The following AUTS2 variants were observed in gnomAD, a reference collection of about 807,000 sequenced individuals.
AUTS2 encodes autism susceptibility gene 2 protein.
AUTS2 carries 17 observed loss-of-function variants against 112.4 expected under a neutral mutation model. That is an observed-to-expected ratio of 0.15 (90% CI 0.10 to 0.23). AUTS2 has a LOEUF of 0.23. Ranked by LOEUF, AUTS2 falls within the 10% of genes least tolerant of loss-of-function variation. AUTS2 has a pLI of 1.00. For synonymous variants in AUTS2, 751 were observed against 702.7 expected, an observed-to-expected ratio of 1.07 and a Z score of -1.09; for missense variants, 1,510 against 1,701.6, an observed-to-expected ratio of 0.89 and a Z score of 1.98.
At chr7:70,188,647 C>T (rs1157965350) in intron 4 of AUTS2, among the ~76,000 whole-genome samples, 1 of 152,144 alleles carries the variant, frequency 6.6e-6, no homozygotes, top group Non-Finnish European at 1.5e-5. Context: ...TCCTTTCTAG[C>T]TTTCTTGAGA....
At chr7:70,407,851 G>A (rs1312600751) in intron 4 of AUTS2, among the ~76,000 whole-genome samples, 1 of 152,002 alleles carries the variant, frequency 6.6e-6, no homozygotes, top group African/African-American at 2.4e-5. Flanking sequence ...TCAGGAGATC[G>A]AGACCATCCT....
chr7:69,706,466 G>C (rs1798064910), intron 1 of AUTS2, among the ~76,000 whole-genome samples: 1 of 152,110 alleles, frequency 6.6e-6, no homozygotes, highest in Non-Finnish European at 1.5e-5. Flanking sequence ...GAGACTTGCT[G>C]AGCACACCTA....
chr7:70,648,748 A>AT (rs1284365011), intron 5 of AUTS2, among the ~76,000 whole-genome samples: 4 of 151,308 alleles, frequency 2.6e-5, no homozygotes, highest in Admixed American at 6.6e-5. Context: ...CGCTCAGCTA[A>AT]TTTTTTTTTA....
intron 1 of AUTS2, among the ~76,000 whole-genome samples, chr7:69,792,177 T>C (rs1397800739): frequency 6.6e-6 from 1 of 152,130 alleles, no homozygotes; most frequent in Admixed American, 6.6e-5. Flanking sequence ...AAAGGAATCA[T>C]TATTATTGTC....
intron 4 of AUTS2, among the ~76,000 whole-genome samples, chr7:70,332,564 A>G (rs563604084): frequency 2.0e-5 from 3 of 152,304 alleles, no homozygotes; most frequent in African/African-American, 7.2e-5. Flanking sequence ...TTCAAACTAT[A>G]CTACAAGGCT....
At chr7:70,308,788 T>C (rs1789603834) in intron 4 of AUTS2, among the ~76,000 whole-genome samples, 1 of 151,636 alleles carries the variant, frequency 6.6e-6, no homozygotes, top group Non-Finnish European at 1.5e-5. Flanking sequence ...CACATATTAA[T>C]TTTTTTTTGT....
rs374942971 is a variant in AUTS2 at position 70,096,599 on chromosome 7, TA to T, written c.523-21516del. Among the ~76,000 whole-genome samples the T allele has an allele frequency of 6.4e-3, 540 of 84,680 alleles. 1 individual carries two copies. Among genetic ancestry groups the T allele is most frequent in the African/African-American group, 0.014 (306 of 22,518 alleles). The allele number at this position is 84,680 out of a possible 152,430, so 55.6% of individuals were successfully genotyped here. On this transcript the variant is annotated intron_variant, in intron 2 of 18. Transcript: ENST00000342771. ...GGGCAACAAGAGTGAAACTCCATCTTAAAAAAAAAAAAAAAAAGAAAAAAAA... is the reference window on the plus strand; with the variant it reads ...GGGCAACAAGAGTGAAACTCCATCTTAAAAAAAAAAAAAAAAGAAAAAAAA...
chr7:69,924,078 GT>G (rs1038425080), intron 2 of AUTS2, among the ~76,000 whole-genome samples: 2 of 152,084 alleles, frequency 1.3e-5, no homozygotes, highest in African/African-American at 4.8e-5. Context: ...TTAGCTATAC[GT>G]TTTTCATAGT....
intron 4 of AUTS2, among the ~76,000 whole-genome samples, chr7:70,390,090 C>T (rs780411062): frequency 6.6e-6 from 1 of 152,210 alleles, no homozygotes; most frequent in Non-Finnish European, 1.5e-5. Flanking sequence ...TTCACAACAG[C>T]TCACACATTT....
chr7:70,471,771 C>T (rs187660605), intron 5 of AUTS2, among the ~76,000 whole-genome samples: 101 of 152,048 alleles, frequency 6.6e-4, no homozygotes, highest in African/African-American at 2.4e-3. Flanking sequence ...GGCATTTAAG[C>T]GAAGATCTGA....
intron 4 of AUTS2, among the ~76,000 whole-genome samples, chr7:70,333,055 A>T (rs1326529663): frequency 6.6e-6 from 1 of 152,244 alleles, no homozygotes; most frequent in Non-Finnish European, 1.5e-5. Context: ...AATTTTTGCA[A>T]TCTATCCATC....
rs745875070 is a variant in AUTS2 at position 70,032,405 on chromosome 7, A to G, written c.523-85727A>G. Among the ~76,000 whole-genome samples the G allele has an allele frequency of 7.2e-4, 110 of 152,286 alleles. 1 individual carries two copies. The highest frequency in any genetic ancestry group is 5.1e-4 in the Non-Finnish European group (35 of 68,008). On this transcript the variant is annotated intron_variant, in intron 2 of 18. Transcript: ENST00000342771. ...TCAATGGCTGAGGTTTTTGCAAAAC[A>G]AAAGAACAAAACCTTCTCATAAAAA...
At position 70,670,946 on chromosome 7, in the gene AUTS2, C is replaced by T. The variant is rs12671269; in HGVS notation, c.691-27623C>T. 1.6e-4 allele frequency among the ~76,000 whole-genome samples: 24 copies of T among 152,228 alleles called. 1 individual carries two copies. In the East Asian group the frequency reaches 2.9e-3, roughly 18 times the overall value. On this transcript the variant is annotated intron_variant, in intron 5 of 18. Transcript: ENST00000342771. Reference sequence around the variant, plus strand: ...CAGCATTTTGGGAGGCCGAGGCGGGCGGATCACTTGAGGTCAGGAGTTCAA... The same window carrying T: ...CAGCATTTTGGGAGGCCGAGGCGGGTGGATCACTTGAGGTCAGGAGTTCAA...
chr7:70,434,319 T>C (rs953934436), intron 4 of AUTS2, among the ~76,000 whole-genome samples: 4 of 152,132 alleles, frequency 2.6e-5, no homozygotes, highest in African/African-American at 9.7e-5. Flanking sequence ...CCTCAAAGTG[T>C]CAGGAGAAGG....
At chr7:70,564,234 T>C (rs1801609476) in intron 5 of AUTS2, among the ~76,000 whole-genome samples, 1 of 152,138 alleles carries the variant, frequency 6.6e-6, no homozygotes, top group African/African-American at 2.4e-5. Context: ...TAGAAGACAG[T>C]TTTTTGGAAG....
At chr7:70,628,291 T>C (rs987987662) in intron 5 of AUTS2, among the ~76,000 whole-genome samples, 12 of 109,778 alleles carry the variant, frequency 1.1e-4, no homozygotes, top group African/African-American at 4.3e-4. Flanking sequence ...TGTTGGGCTT[T>C]GTTCCTTTTT....
At chr7:70,445,620 A>G (rs1448501428) in intron 5 of AUTS2, among the ~76,000 whole-genome samples, 1 of 152,224 alleles carries the variant, frequency 6.6e-6, no homozygotes, top group East Asian at 1.9e-4. Context: ...TACAAGGTAT[A>G]TATTTTAACT....
At chr7:70,204,771 C>T (rs1022121802) in intron 4 of AUTS2, among the ~76,000 whole-genome samples, 1 of 152,086 alleles carries the variant, frequency 6.6e-6, no homozygotes, top group South Asian at 2.1e-4. Context: ...TGAAATTTTC[C>T]TGATCTTAGA....
At chr7:70,783,691 A>G (rs1417919940) in intron 15 of AUTS2, 3 of 152,210 alleles carry the variant, frequency 2.0e-5, no homozygotes, top group Non-Finnish European at 4.4e-5. Context: ...ACTGATGTGT[A>G]TAACTTGTAC....
Sources: allele counts gnomAD v4.1 joint callset (sites outside exome capture counted in the v4.1 genomes callset), GRCh38; gene constraint gnomAD v4.1.1; transcripts MANE v1.5; gene names NCBI Gene and HGNC (gene_info 2026-07-23, HGNC 2026-07-21).